Variants in ENOX1 observed in about 807,000 individuals in gnomAD.
The protein encoded by ENOX1 is candidate growth-related and time keeping constitutive hydroquinone (NADH) oxidase.
In ENOX1, 42 loss-of-function variants were observed where a neutral mutation model predicts 82.5. The ratio of observed to expected loss-of-function variants is 0.51; its 90% CI spans 0.40 to 0.66. The LOEUF is 0.66. Among genes scored for constraint, ENOX1 ranks in the 30% least tolerant of loss-of-function variants. The pLI, the probability that ENOX1 is intolerant of heterozygous loss-of-function variation, is 0.00. For missense variants in ENOX1, 608 were observed against 811.6 expected (o/e 0.75, Z 3.05); for synonymous variants, 271 against 282.2 (o/e 0.96, Z 0.40).
At chr13:43,416,453 T>C (rs532582326) in intron 3 of ENOX1, among the ~76,000 whole-genome samples, 1 of 143,100 alleles carries the variant, frequency 7.0e-6, no homozygotes, top group South Asian at 2.3e-4. Context: ...GCTCCTCACA[T>C]CCCAGATGGG....
chr13:43,541,171 C>CTGTGTTTTTTTTTTTTTTTTT (rs1566485960), intron 2 of ENOX1, among the ~76,000 whole-genome samples: 1 of 38,734 alleles, frequency 2.6e-5, no homozygotes, highest in African/African-American at 6.4e-5. Context: ...CTTCTTCCCT[C>CTGTGTTTTTTTTTTTTTTTTT]TGTTTTTTTT....
intron 1 of ENOX1, among the ~76,000 whole-genome samples, chr13:43,767,641 G>A (rs1039551793): frequency 7.2e-5 from 11 of 152,222 alleles, no homozygotes; most frequent in African/African-American, 2.7e-4. Flanking sequence ...GCTGTAATGG[G>A]TTCATTAGAG....
chr13:43,264,468 A>G (rs898137323), intron 14 of ENOX1, among the ~76,000 whole-genome samples: 5 of 152,214 alleles, frequency 3.3e-5, no homozygotes, highest in African/African-American at 1.2e-4. Context: ...TAAACATCAT[A>G]TGTTAAATAT....
chr13:43,577,642 C>T (rs1006901597), intron 2 of ENOX1, among the ~76,000 whole-genome samples: 1 of 152,206 alleles, frequency 6.6e-6, no homozygotes, highest in Non-Finnish European at 1.5e-5. Flanking sequence ...ATGAAGCCCT[C>T]ACAACCCAAA....
At chr13:43,242,399 C>A (rs982560088) in intron 14 of ENOX1, among the ~76,000 whole-genome samples, 2 of 152,238 alleles carry the variant, frequency 1.3e-5, no homozygotes, top group Non-Finnish European at 2.9e-5. Context: ...AAGTGTGCTC[C>A]CCAATTTTTC....
intron 3 of ENOX1, among the ~76,000 whole-genome samples, chr13:43,428,890 A>G (rs982270370): frequency 3.9e-5 from 6 of 152,236 alleles, no homozygotes; most frequent in African/African-American, 1.4e-4. Flanking sequence ...CTGACATTCT[A>G]GAGGTGCTGA....
intron 1 of ENOX1, among the ~76,000 whole-genome samples, chr13:43,691,034 G>A (rs1425817845): frequency 6.6e-6 from 1 of 152,108 alleles, no homozygotes; most frequent in Non-Finnish European, 1.5e-5. Context: ...TGGCAACTAG[G>A]CTGGAACTCC....
chr13:43,746,486 TA>T (rs1489109325), intron 1 of ENOX1, among the ~76,000 whole-genome samples: 1 of 151,988 alleles, frequency 6.6e-6, no homozygotes, highest in Non-Finnish European at 1.5e-5. Context: ...TTAAGGAAAT[TA>T]AAATAAGTGG....
intron 2 of ENOX1, among the ~76,000 whole-genome samples, chr13:43,539,772 T>C (rs1279456051): frequency 6.6e-6 from 1 of 152,220 alleles, no homozygotes; most frequent in African/African-American, 2.4e-5. Context: ...TGCAATGTCT[T>C]ACTCTCTGAA....
chr13:43,670,564 G>A (rs1311759883), intron 1 of ENOX1, among the ~76,000 whole-genome samples: 1 of 152,140 alleles, frequency 6.6e-6, no homozygotes, highest in Non-Finnish European at 1.5e-5. Context: ...GTATTTGAAG[G>A]AAAATAGGGC....
Position 43,479,939 on chromosome 13 carries a change from AT to A in ENOX1, c.-75+4069del, listed in dbSNP as rs1555294216. On this transcript the variant is annotated intron_variant, in intron 3 of 16. Coordinates refer to ENST00000690772, the MANE Select transcript of ENOX1 (RefSeq NM_001347969.2). ...CATTCTTTTATTTATTTTTATTTTTATTTTTTTTTTTTTGAGACAGAGCTGT... is the reference window on the plus strand; with the variant it reads ...CATTCTTTTATTTATTTTTATTTTTATTTTTTTTTTTTGAGACAGAGCTGT... Among the ~76,000 whole-genome samples, 96 of 107,896 alleles carry A rather than the reference AT, an allele frequency of 8.9e-4. No individual in the cohort carries two copies. The East Asian group carries it at 0.01, about 12-fold the overall frequency. The allele number at this position is 107,896 out of a possible 152,430, so 70.8% of individuals were successfully genotyped here. A position where few individuals can be genotyped will look rare whatever the true frequency, so the allele number is the denominator to read the frequency against.
intron 3 of ENOX1, among the ~76,000 whole-genome samples, chr13:43,457,661 A>T (rs2057293029): frequency 1.3e-5 from 2 of 152,342 alleles, no homozygotes; most frequent in African/African-American, 4.8e-5. Context: ...TCGGAAAATC[A>T]TCTGGCTTTA....
chr13:43,637,503 T>A (rs1166826297), intron 2 of ENOX1, among the ~76,000 whole-genome samples: 2 of 148,644 alleles, frequency 1.3e-5, no homozygotes, highest in Admixed American at 1.3e-4. Flanking sequence ...TCCCTGAAGA[T>A]CTGCAGCTCA....
At chr13:43,306,871 G>A (rs573151295) in intron 11 of ENOX1, among the ~76,000 whole-genome samples, 1 of 152,156 alleles carries the variant, frequency 6.6e-6, no homozygotes, top group South Asian at 2.1e-4. Context: ...TTGAATTGGT[G>A]CTTCTACCAT....
At chr13:43,286,085 T>C (rs1233838877) in intron 12 of ENOX1, among the ~76,000 whole-genome samples, 4 of 152,144 alleles carry the variant, frequency 2.6e-5, no homozygotes, top group Non-Finnish European at 1.5e-5. Flanking sequence ...ACACCTGCTA[T>C]AGACAGCCAA....
At chr13:43,739,543 C>T (rs2089797680) in intron 1 of ENOX1, among the ~76,000 whole-genome samples, 1 of 150,492 alleles carries the variant, frequency 6.6e-6, no homozygotes, top group South Asian at 2.1e-4. Flanking sequence ...GAGTGAGAGC[C>T]TGTCTCAAAT....
intron 12 of ENOX1, among the ~76,000 whole-genome samples, chr13:43,283,108 C>T (rs1191564175): frequency 2.1e-5 from 2 of 94,124 alleles, no homozygotes; most frequent in South Asian, 2.8e-4. Context: ...AAAATTTAAG[C>T]TATTAATTCG....
chr13:43,761,602 A>C (rs2153835562), intron 1 of ENOX1, among the ~76,000 whole-genome samples: 1 of 152,292 alleles, frequency 6.6e-6, no homozygotes, highest in South Asian at 2.1e-4. Context: ...TTTTCAGAAG[A>C]ATTTCATTTT....
chr13:43,582,479 C>T (rs2080789075), intron 2 of ENOX1, among the ~76,000 whole-genome samples: 1 of 152,072 alleles, frequency 6.6e-6, no homozygotes, highest in Admixed American at 6.6e-5. Flanking sequence ...CTAATTAGTT[C>T]ACCAAATCAA....
Sources: allele counts gnomAD v4.1 joint callset (sites outside exome capture counted in the v4.1 genomes callset), GRCh38; gene constraint gnomAD v4.1.1; transcripts MANE v1.5; gene names NCBI Gene and HGNC (gene_info 2026-07-23, HGNC 2026-07-21).